MARCHF1: variants seen among roughly 807,000 people sequenced by gnomAD.
The protein encoded by MARCHF1 is E3 ubiquitin-protein ligase MARCHF1.
In MARCHF1, 40 loss-of-function variants were observed where a neutral mutation model predicts 54.2. The observed-to-expected ratio is 0.74, with a 90% confidence interval of 0.57 to 0.96. MARCHF1 has a LOEUF of 0.96. MARCHF1 is among the 40% of genes least tolerant of loss of function. The probability of loss-of-function intolerance (pLI) is 0.00; values close to 1 mark genes in which losing one functional copy is unlikely to be tolerated. For missense variants in MARCHF1, 586 were observed against 656.5 expected, an observed-to-expected ratio of 0.89 and a Z score of 1.17; for synonymous variants, 236 against 236.3, an observed-to-expected ratio of 1.00 and a Z score of 0.01.
chr4:164,377,591 G>GCGCACA (rs1554005678), intron 1 of MARCHF1, among the ~76,000 whole-genome samples: 2 of 149,416 alleles, frequency 1.3e-5, no homozygotes, highest in Non-Finnish European at 1.5e-5. Flanking sequence ...TACTTTTTAT[G>GCGCACA]CACACACACA....
chr4:163,828,263 T>G (rs1019155358), intron 4 of MARCHF1, among the ~76,000 whole-genome samples: 6 of 152,214 alleles, frequency 3.9e-5, no homozygotes, highest in Admixed American at 3.9e-4. Flanking sequence ...TTAACTACTT[T>G]TGGACCAACC....
chr4:163,596,281 C>T (rs1740766216), intron 7 of MARCHF1, among the ~76,000 whole-genome samples: 1 of 152,078 alleles, frequency 6.6e-6, no homozygotes, highest in African/African-American at 2.4e-5. Flanking sequence ...ATGGCTCACA[C>T]CTGTAATCTC....
chr4:163,961,726 T>G (rs1752349766), intron 3 of MARCHF1, among the ~76,000 whole-genome samples: 2 of 152,072 alleles, frequency 1.3e-5, no homozygotes, highest in South Asian at 4.1e-4. Context: ...TAACTTCTCT[T>G]TGACGCCTTT....
At chr4:163,815,803 T>C (rs1748516562) in intron 4 of MARCHF1, among the ~76,000 whole-genome samples, 1 of 152,180 alleles carries the variant, frequency 6.6e-6, no homozygotes, top group Non-Finnish European at 1.5e-5. Flanking sequence ...ATTTACTTCA[T>C]AGAAAAATCA....
rs2111239658 is a variant in MARCHF1, at chr4:163,704,601, A to G, written c.112-3738T>C. The stretch of plus-strand genomic sequence containing the variant: ...AATCCAATTTTGAAAAGTGACTCGT[A>G]AGTCTTAATCGCCTGACAATTAACT... On this transcript the variant is annotated intron_variant, in intron 4 of 9. Transcript: ENST00000514618. Among the ~76,000 whole-genome samples the G allele has an allele frequency of 1.3e-5, 2 of 151,810 alleles. 1 individual carries two copies. The highest frequency in any genetic ancestry group is 4.1e-4 in the South Asian group (2 of 4,826).
At chr4:163,662,155 C>T (rs1743365529) in intron 5 of MARCHF1, among the ~76,000 whole-genome samples, 1 of 151,970 alleles carries the variant, frequency 6.6e-6, no homozygotes, top group Non-Finnish European at 1.5e-5. Context: ...TCCATGATAT[C>T]TGGAAATTAT....
At chr4:163,715,886 T>C (rs2111269076) in intron 4 of MARCHF1, among the ~76,000 whole-genome samples, 1 of 152,238 alleles carries the variant, frequency 6.6e-6, no homozygotes, top group South Asian at 2.1e-4. Flanking sequence ...TGAATTAAAA[T>C]CAACACTTCC....
intron 4 of MARCHF1, among the ~76,000 whole-genome samples, chr4:163,817,741 G>T (rs998418602): frequency 6.6e-6 from 1 of 151,744 alleles, no homozygotes; most frequent in African/African-American, 2.4e-5. Context: ...AGCCACTTAA[G>T]AAAATGTGGC....
At chr4:164,044,647 C>T (rs141395250) in intron 2 of MARCHF1, among the ~76,000 whole-genome samples, 457 of 152,160 alleles carry the variant, frequency 3.0e-3, no homozygotes, top group Middle Eastern at 6.8e-3. Context: ...GGAATTAGTC[C>T]TAAGAACCTC....
chr4:163,933,027 G>C, intron 3 of MARCHF1: 5 of 1,390,244 alleles, frequency 3.6e-6, no homozygotes, highest in Non-Finnish European at 5.0e-6. Flanking sequence ...CCTGGGGCTT[G>C]CGGTTAACTT....
chr4:164,216,758 A>C (rs1731946195), intron 1 of MARCHF1, among the ~76,000 whole-genome samples: 1 of 152,310 alleles, frequency 6.6e-6, no homozygotes, highest in South Asian at 2.1e-4. Flanking sequence ...ATTCCTTGAG[A>C]AAACCATGTG....
In MARCHF1 at chr4:164,191,570, A is replaced by G. The variant is rs564354299; in HGVS notation, c.-322-79908T>C. Among the ~76,000 whole-genome samples the G allele has an allele frequency of 3.9e-5, 6 of 152,284 alleles. No individual in the cohort carries two copies. The East Asian group carries it at 1.2e-3, about 29-fold the overall frequency. ...GAATGCAAGTTTGAATGATGGCTCTAAAGTTGTGTGTCTTCTCTACAAACA... is the reference window on the plus strand; with the variant it reads ...GAATGCAAGTTTGAATGATGGCTCTGAAGTTGTGTGTCTTCTCTACAAACA... On this transcript the variant is annotated intron_variant, in intron 1 of 9. Transcript: ENST00000514618.
intron 4 of MARCHF1, among the ~76,000 whole-genome samples, chr4:163,776,215 C>G (rs1747300465): frequency 6.6e-6 from 1 of 151,938 alleles, no homozygotes; most frequent in Non-Finnish European, 1.5e-5. Context: ...AAAATTAGAG[C>G]TTAGAAAAAA....
At chr4:163,826,923 A>T (rs1289269499) in intron 4 of MARCHF1, among the ~76,000 whole-genome samples, 1 of 152,032 alleles carries the variant, frequency 6.6e-6, no homozygotes, top group Admixed American at 6.6e-5. Context: ...ACAAATGACA[A>T]TACTGAGGTA....
chr4:163,914,272 TA>T lies in MARCHF1; in HGVS notation c.-38-60104del, dbSNP rs756223359. Among the ~76,000 whole-genome samples the T allele has an allele frequency of 1.3e-4, 20 of 152,134 alleles. 1 individual carries two copies. Among genetic ancestry groups the T allele is most frequent in the Admixed American group, 7.9e-4 (12 of 15,272 alleles). ...TTTATATACATTTAAGAAACTTCTT[TA>T]AAAATTTTGTTTAAAGAGAATGCAA... On this transcript the variant is annotated intron_variant, in intron 3 of 9. Coordinates refer to ENST00000514618, the MANE Select transcript of MARCHF1 (RefSeq NM_001394959.1).
intron 4 of MARCHF1, among the ~76,000 whole-genome samples, chr4:163,734,183 T>G (rs922121760): frequency 1.3e-5 from 2 of 152,148 alleles, no homozygotes; most frequent in Admixed American, 1.3e-4. Flanking sequence ...ATTACAAGTG[T>G]TGGCAAGATA....
intron 1 of MARCHF1, among the ~76,000 whole-genome samples, chr4:164,164,501 A>G (rs1279276079): frequency 6.6e-6 from 1 of 152,054 alleles, no homozygotes; most frequent in African/African-American, 2.4e-5. Flanking sequence ...CAGCAAGTAA[A>G]AGAAAACCCT....
chr4:163,819,850 C>T (rs756621871), intron 4 of MARCHF1, among the ~76,000 whole-genome samples: 6 of 152,082 alleles, frequency 3.9e-5, no homozygotes, highest in Non-Finnish European at 5.9e-5. Flanking sequence ...ACCTGAACTA[C>T]AGCTTTCATC....
At chr4:164,347,825 T>C (rs1320240757) in intron 1 of MARCHF1, among the ~76,000 whole-genome samples, 4 of 152,142 alleles carry the variant, frequency 2.6e-5, no homozygotes, top group Admixed American at 2.0e-4. Flanking sequence ...AGAAACAAAA[T>C]GAAAAATATC....
Sources: allele counts gnomAD v4.1 joint callset (sites outside exome capture counted in the v4.1 genomes callset), GRCh38; gene constraint gnomAD v4.1.1; transcripts MANE v1.5; gene names NCBI Gene and HGNC (gene_info 2026-07-23, HGNC 2026-07-21).